The following TRHDE variants were observed in gnomAD, a reference collection of about 807,000 sequenced individuals.
TRHDE encodes thyrotropin releasing hormone degrading enzyme.
TRHDE carries 72 observed loss-of-function variants against 125.7 expected under a neutral mutation model. That is an observed-to-expected ratio of 0.57 (90% confidence interval 0.47 to 0.70). TRHDE has a LOEUF of 0.70. Among genes scored for constraint, TRHDE ranks in the 30% least tolerant of loss-of-function variants. The pLI is 0.00. For synonymous variants in TRHDE, 509 were observed against 509.1 expected, an observed-to-expected ratio of 1.00 and a Z score of 0.00; for missense variants, 1,110 against 1,327.1, an observed-to-expected ratio of 0.84 and a Z score of 2.54.
chr12:72,323,231 T>G (rs1305197142), intron 2 of TRHDE, among the ~76,000 whole-genome samples: 1 of 152,112 alleles, frequency 6.6e-6, no homozygotes, highest in Non-Finnish European at 1.5e-5. Flanking sequence ...GATGTCTAAT[T>G]AAAGGATAAA....
intron 6 of TRHDE, among the ~76,000 whole-genome samples, chr12:72,539,464 G>A (rs978255951): frequency 5.3e-5 from 8 of 151,842 alleles, no homozygotes; most frequent in African/African-American, 1.9e-4. Context: ...TGCTATGCAT[G>A]CAGAATTTTC....
intron 3 of TRHDE, 32 bp downstream of exon 3, chr12:72,378,153 G>A: frequency 1.3e-6 from 2 of 1,541,970 alleles, no homozygotes; most frequent in South Asian, 1.3e-5. Context: ...TTATTGGAAG[G>A]GCTCCTTGAA....
chr12:72,376,411 G>A (rs1307330392), intron 2 of TRHDE, among the ~76,000 whole-genome samples: 1 of 152,132 alleles, frequency 6.6e-6, no homozygotes, highest in Non-Finnish European at 1.5e-5. Flanking sequence ...AGGGGTAGGG[G>A]ATCCTAACCA....
chr12:72,425,488 C>A (rs1307030089), intron 3 of TRHDE, among the ~76,000 whole-genome samples: 1 of 152,026 alleles, frequency 6.6e-6, no homozygotes, highest in African/African-American at 2.4e-5. Context: ...AACAGTTTTA[C>A]TTTAAGTTAT....
intron 2 of TRHDE, among the ~76,000 whole-genome samples, chr12:72,342,595 A>T (rs576120916): frequency 6.6e-6 from 1 of 152,180 alleles, no homozygotes; most frequent in Non-Finnish European, 1.5e-5. Flanking sequence ...GTAAGCAATG[A>T]ATAAAGAGAA....
chr12:72,271,675 A>G (rs1244549274), upstream of TRHDE: 1 of 334,954 alleles, frequency 3.0e-6, no homozygotes, highest in South Asian at 2.3e-5. Flanking sequence ...CAGTCCCTCA[A>G]TGCAGCTGGA....
Position 72,465,597 on chromosome 12 carries a change from C to T in TRHDE, c.1316-4161C>T, listed in dbSNP as rs569476915. 5.7e-4 allele frequency among the ~76,000 whole-genome samples: 87 copies of T among 152,188 alleles called. 1 individual carries two copies. The highest frequency in any genetic ancestry group is 1.2e-3 in the South Asian group (6 of 4,828). On this transcript the variant is annotated intron_variant, in intron 3 of 18. Transcript: ENST00000261180. ...TATTTTGTTGCATGGATATACCATA[C>T]TTTATTTATTCACCTATTGATGGAC...
intron 3 of TRHDE, among the ~76,000 whole-genome samples, chr12:72,466,893 CATTT>C (rs1251350665): frequency 1.3e-5 from 2 of 152,130 alleles, no homozygotes; most frequent in Admixed American, 6.5e-5. Context: ...TTTTCTCATT[CATTT>C]ATTACTTGTT....
At chr12:72,433,786 G>C (rs1045675520) in intron 3 of TRHDE, among the ~76,000 whole-genome samples, 3 of 150,738 alleles carry the variant, frequency 2.0e-5, no homozygotes, top group Non-Finnish European at 4.4e-5. Flanking sequence ...GTCTGGCTCT[G>C]GTAGAGTCTC....
intron 2 of TRHDE, among the ~76,000 whole-genome samples, chr12:72,328,363 G>A (rs533967858): frequency 2.8e-4 from 42 of 152,104 alleles, no homozygotes; most frequent in Non-Finnish European, 4.9e-4. Context: ...CAATTTAATG[G>A]TTTAAATTTA....
chr12:72,531,717 C>T (rs1376681080), intron 6 of TRHDE, among the ~76,000 whole-genome samples: 1 of 152,002 alleles, frequency 6.6e-6, no homozygotes, highest in African/African-American at 2.4e-5. Context: ...GTGTGATTTA[C>T]TGAATTCCCT....
intron 2 of TRHDE, among the ~76,000 whole-genome samples, chr12:72,356,675 C>T (rs898887964): frequency 1.6e-4 from 24 of 150,994 alleles, no homozygotes; most frequent in African/African-American, 2.9e-4. Context: ...GTAGTGGATG[C>T]GGAGAAAAAT....
intron 2 of TRHDE, among the ~76,000 whole-genome samples, chr12:72,251,222 CAG>C (rs1168242656): frequency 4.4e-4 from 67 of 150,900 alleles, no homozygotes; most frequent in African/African-American, 1.5e-3. Flanking sequence ...TGACTACCAA[CAG>C]AGTCAAGATA....
At chr12:72,241,126 A>C (rs1428284535) in intron 2 of TRHDE, among the ~76,000 whole-genome samples, 1 of 152,114 alleles carries the variant, frequency 6.6e-6, no homozygotes, top group Non-Finnish European at 1.5e-5. Flanking sequence ...CCCACTCCCA[A>C]TACAAGCAGC....
At chr12:72,270,652 C>A (rs1408962931), upstream of TRHDE, among the ~76,000 whole-genome samples, 2 of 150,384 alleles carry the variant, frequency 1.3e-5, no homozygotes, top group African/African-American at 4.9e-5. Flanking sequence ...TTCTATTATT[C>A]ACTTTTTTAA....
In TRHDE at chr12:72,545,707, T is replaced by A. The variant is rs748197472; in HGVS notation, c.1788+3351T>A. 2.4e-4 allele frequency among the ~76,000 whole-genome samples: 37 copies of A among 151,596 alleles called. 1 individual carries two copies. The highest frequency in any genetic ancestry group is 4.4e-4 in the Non-Finnish European group (30 of 67,716). Reference sequence around the variant, plus strand: ...AACAGGGAGTTTTTGCTGGTAATAGTTTTATTTTGCTAGTATAAGGAAACA... The same window carrying A: ...AACAGGGAGTTTTTGCTGGTAATAGATTTATTTTGCTAGTATAAGGAAACA... On this transcript the variant is annotated intron_variant, in intron 7 of 18. Coordinates refer to ENST00000261180, the MANE Select transcript of TRHDE (RefSeq NM_013381.3).
At chr12:72,331,552 A>G (rs561134396) in intron 2 of TRHDE, among the ~76,000 whole-genome samples, 1 of 152,336 alleles carries the variant, frequency 6.6e-6, no homozygotes, top group East Asian at 1.9e-4. Flanking sequence ...TAACTGAGAT[A>G]CAGACCTCCT....
intron 2 of TRHDE, among the ~76,000 whole-genome samples, chr12:72,150,261 C>A (rs188859055): frequency 2.0e-5 from 3 of 152,178 alleles, no homozygotes; most frequent in Admixed American, 2.0e-4. Flanking sequence ...CAAAAAAGGC[C>A]TTCCTAAGGA....
In TRHDE at chr12:72,273,624, G is replaced by A; in HGVS notation, c.914+67G>A. ...CGCGGCTCGAACCTCTGGGCGGCCT[G>A]CGACCCCGGGGACCCAGCTGGCTTC... is the stretch of plus-strand genomic sequence containing the variant. On this transcript the variant is annotated intron_variant, in intron 1 of 18. Coordinates refer to ENST00000261180, the MANE Select transcript of TRHDE (RefSeq NM_013381.3). This position sits in a 1 kb window ranked among gnomAD's most constrained non-coding sequence, Gnocchi z 5.3. The A allele has an allele frequency of 1.4e-6, 2 of 1,457,516 alleles. No individual in the cohort carries two copies. Among genetic ancestry groups the A allele is most frequent in the Non-Finnish European group, 1.8e-6 (2 of 1,086,666 alleles). The allele number at this position is 1,457,516 out of a possible 1,614,324, so 90.3% of individuals were successfully genotyped here. A position where few individuals can be genotyped will look rare whatever the true frequency, so the allele number is the denominator to read the frequency against.
Sources: gnomAD v4.1 joint callset for allele counts (sites outside exome capture counted in the v4.1 genomes callset) on GRCh38, gnomAD v4.1.1 for gene constraint, Gnocchi (gnomAD v3.1) non-coding constraint, MANE v1.5 for transcripts, NCBI Gene and HGNC (gene_info 2026-07-23, HGNC 2026-07-21) for gene names.